TENM3: variants seen among roughly 807,000 people sequenced by gnomAD.
TENM3 encodes the protein teneurin transmembrane protein 3, also known as teneurin-3.
In TENM3, 63 loss-of-function variants were observed where a neutral mutation model predicts 255.1. The ratio of observed to expected loss-of-function variants is 0.25; its 90% CI spans 0.20 to 0.30. The LOEUF (loss-of-function observed/expected upper bound fraction) is 0.30, where lower values mean the gene tolerates loss of function less well. Among genes scored for constraint, TENM3 ranks in the 10% least tolerant of loss-of-function variants. The pLI is 1.00. For synonymous variants in TENM3, 1,306 were observed against 1,322.3 expected (o/e 0.99, Z 0.27); for missense variants, 2,929 against 3,461.1 (o/e 0.85, Z 3.86).
At chr4:181,869,338 A>G in the TENM3 span, among the ~76,000 whole-genome samples, 3 of 152,176 alleles carry the variant, frequency 2.0e-5, no homozygotes, top group Admixed American at 6.6e-5. Flanking sequence ...TATTTAATTT[A>G]TCTTTAATTA....
chr4:182,713,259 T>A (rs1286320782), intron 12 of TENM3, among the ~76,000 whole-genome samples: 2 of 152,242 alleles, frequency 1.3e-5, no homozygotes, highest in Non-Finnish European at 2.9e-5. Flanking sequence ...CACTACCGTG[T>A]TTTTGTTCAG....
intron 11 of TENM3, among the ~76,000 whole-genome samples, chr4:182,684,132 A>C (rs17073833): frequency 0.11 from 15,921 of 151,366 alleles, 1,114 homozygotes; most frequent in South Asian, 0.14. Flanking sequence ...TACACAGTTC[A>C]TCAAAAGAAG....
At chr4:182,401,119 T>G (rs1769191712) in intron 3 of TENM3, among the ~76,000 whole-genome samples, 1 of 152,134 alleles carries the variant, frequency 6.6e-6, no homozygotes, top group African/African-American at 2.4e-5. Flanking sequence ...GCTTGGAGTT[T>G]TTTTCCCGAT....
intron 20 of TENM3, among the ~76,000 whole-genome samples, chr4:182,753,117 G>T (rs1319000843): frequency 4.0e-5 from 6 of 151,756 alleles, no homozygotes; most frequent in African/African-American, 1.2e-4. Context: ...CAGTTTTTTT[G>T]TGTGTTTTTT....
At position 182,365,621 on chromosome 4, in the gene TENM3, G is replaced by A. The variant is rs182670330; in HGVS notation, c.511+18692G>A. Among the ~76,000 whole-genome samples the A allele has an allele frequency of 2.1e-3, 322 of 152,272 alleles. 2 individuals carry two copies. Among genetic ancestry groups the A allele is most frequent in the African/African-American group, 7.4e-3 (308 of 41,544 alleles). ...CACAAAGTTTCTGTATCCTTATTGAGTAAATGAAAAACATAAAGCAGGCGA... is the reference window on the plus strand; with the variant it reads ...CACAAAGTTTCTGTATCCTTATTGAATAAATGAAAAACATAAAGCAGGCGA... On this transcript the variant is annotated intron_variant, in intron 3 of 27. Transcript: ENST00000511685.
At chr4:182,714,327 A>C in intron 13 of TENM3, 94 bp downstream of exon 13, 2 of 989,040 alleles carry the variant, frequency 2.0e-6, no homozygotes, top group Non-Finnish European at 2.8e-6. Context: ...AAAAAAAAAA[A>C]AAAAAAAAAA....
chr4:181,851,391 A>T, the TENM3 span, among the ~76,000 whole-genome samples: 6 of 152,130 alleles, frequency 3.9e-5, no homozygotes, highest in Admixed American at 2.6e-4. Flanking sequence ...CCCTCATGGG[A>T]TAGATGCTGC....
intron 1 of TENM3, among the ~76,000 whole-genome samples, chr4:182,262,843 A>G (rs1478824272): frequency 2.7e-5 from 4 of 150,458 alleles, no homozygotes; most frequent in Non-Finnish European, 4.4e-5. Flanking sequence ...CCTCCCGAGC[A>G]GCTGGGACTA....
intron 1 of TENM3, among the ~76,000 whole-genome samples, chr4:182,202,889 T>C (rs2149837760): frequency 6.6e-6 from 1 of 152,124 alleles, no homozygotes; most frequent in African/African-American, 2.4e-5. Flanking sequence ...GCCTACACGA[T>C]CCCCAAGCCC....
the TENM3 span, among the ~76,000 whole-genome samples, chr4:181,466,770 A>C: frequency 4.6e-5 from 7 of 152,100 alleles, no homozygotes; most frequent in Admixed American, 2.0e-4. Context: ...CAATTGATTA[A>C]AATGTGAAAT....
chr4:181,851,888 G>T, the TENM3 span, among the ~76,000 whole-genome samples: 237 of 152,122 alleles, frequency 1.6e-3, 3 homozygotes, highest in East Asian at 0.043. Context: ...CAAGCTGTTT[G>T]CCCCTTGACA....
intron 3 of TENM3, among the ~76,000 whole-genome samples, chr4:182,418,797 A>G (rs754789634): frequency 1.7e-4 from 26 of 152,124 alleles, no homozygotes; most frequent in Non-Finnish European, 1.3e-4. Context: ...CCCTGGGCTC[A>G]AGCAATCTGC....
chr4:182,115,006 A>C, the TENM3 span, among the ~76,000 whole-genome samples: 5 of 151,902 alleles, frequency 3.3e-5, no homozygotes, highest in Admixed American at 2.6e-4. Context: ...ACATGGTGAA[A>C]CCTCATCTCT....
intron 1 of TENM3, among the ~76,000 whole-genome samples, chr4:182,189,036 G>T (rs1458648836): frequency 6.6e-6 from 1 of 151,986 alleles, no homozygotes. Context: ...TTGGGTGAAT[G>T]AAAGTAAATA....
the TENM3 span, among the ~76,000 whole-genome samples, chr4:181,985,676 A>C: frequency 6.6e-6 from 1 of 152,166 alleles, no homozygotes; most frequent in Non-Finnish European, 1.5e-5. Flanking sequence ...TTTGTCAAGC[A>C]AATTGTATTT....
At chr4:182,648,765 T>G (rs1473159350) in intron 5 of TENM3, among the ~76,000 whole-genome samples, 1 of 152,170 alleles carries the variant, frequency 6.6e-6, no homozygotes, top group East Asian at 1.9e-4. Context: ...GTGACTTTCA[T>G]TCTTCTCAGT....
chr4:181,651,120 C>T, the TENM3 span, among the ~76,000 whole-genome samples: 1 of 152,246 alleles, frequency 6.6e-6, no homozygotes, highest in Non-Finnish European at 1.5e-5. Flanking sequence ...AAAATTTAAC[C>T]TATGGTTGAT....
intron 22 of TENM3, among the ~76,000 whole-genome samples, chr4:182,770,819 G>A (rs1764143625): frequency 6.6e-6 from 1 of 152,088 alleles, no homozygotes; most frequent in East Asian, 1.9e-4. Context: ...TGAAACTGTT[G>A]GGTGCCGGGT....
At chr4:181,840,471 GTCTAC>G in the TENM3 span, among the ~76,000 whole-genome samples, 1 of 152,060 alleles carries the variant, frequency 6.6e-6, no homozygotes, top group Non-Finnish European at 1.5e-5. Flanking sequence ...ACCAGTCTGA[GTCTAC>G]TCTAAACTAA....
Sources: gnomAD v4.1 joint callset for allele counts (sites outside exome capture counted in the v4.1 genomes callset) on GRCh38, gnomAD v4.1.1 for gene constraint, MANE v1.5 for transcripts, NCBI Gene and HGNC (gene_info 2026-07-23, HGNC 2026-07-21) for gene names.